Variants in SRPK2 observed in about 807,000 individuals in gnomAD.
The protein encoded by SRPK2 is SRSF protein kinase 2, also known as SFRS protein kinase 2.
Under a neutral mutation model 90.8 loss-of-function variants are expected in SRPK2, and 21 were observed. The observed-to-expected ratio is 0.23, with a 90% CI of 0.16 to 0.33. The LOEUF (loss-of-function observed/expected upper bound fraction) is 0.33, where lower values mean the gene tolerates loss of function less well. SRPK2 is among the 10% of genes least tolerant of loss of function. SRPK2 has a pLI of 1.00. For missense variants in SRPK2, 620 were observed against 869.0 expected, an observed-to-expected ratio of 0.71 and a Z score of 3.60; for synonymous variants, 288 against 311.1, an observed-to-expected ratio of 0.93 and a Z score of 0.78.
At chr7:105,202,109 T>C (rs1795638802) in intron 3 of SRPK2, among the ~76,000 whole-genome samples, 1 of 152,216 alleles carries the variant, frequency 6.6e-6, no homozygotes, top group African/African-American at 2.4e-5. Flanking sequence ...AGATCTACAC[T>C]CTTTTCTAAG....
chr7:105,193,127 A>C (rs1794510873), intron 3 of SRPK2, among the ~76,000 whole-genome samples: 1 of 152,200 alleles, frequency 6.6e-6, no homozygotes, highest in Non-Finnish European at 1.5e-5. Flanking sequence ...GCCAATGTCT[A>C]GAAGGATTTT....
Position 105,142,287 on chromosome 7 carries a change from G to T in SRPK2, c.1264C>A (p.Pro422Thr), listed in dbSNP as rs1461935220. 9 of 1,614,002 alleles carry T rather than the reference G, an allele frequency of 5.6e-6. No individual in the cohort carries two copies. The highest frequency in any genetic ancestry group is 1.3e-5 in the African/African-American group (1 of 74,892). ...EDDDEEDCPN[P>T]EEYNLDEPNA... ...GGCTCATCAAGATTATATTCCTCAG[G>T]ATTTGGGCAGTCTTCTTCATCATCA... The change falls in exon 11 of 16, where the codon CCT becomes ACT. Residue 422 changes from proline (P) to threonine (T), a missense_variant. Transcript: ENST00000393651.
At chr7:105,269,306 T>TTC (rs1485845666) in intron 2 of SRPK2, among the ~76,000 whole-genome samples, 4 of 152,256 alleles carry the variant, frequency 2.6e-5, no homozygotes, top group African/African-American at 7.2e-5. Flanking sequence ...TCACTAGCCC[T>TTC]AAAAAATATG....
intron 2 of SRPK2, among the ~76,000 whole-genome samples, chr7:105,383,083 G>C (rs1363297271): frequency 1.1e-4 from 2 of 17,932 alleles, no homozygotes; most frequent in African/African-American, 2.0e-4. Context: ...TTTTTTTTTG[G>C]AGACAGAGTC....
chr7:105,149,951 A>G (rs1049816635), intron 7 of SRPK2, among the ~76,000 whole-genome samples: 1 of 152,172 alleles, frequency 6.6e-6, no homozygotes. Context: ...TGTTTGATAT[A>G]TAAAAGCTCC....
intron 15 of SRPK2, chr7:105,125,869 T>A (rs1393980375): frequency 1.5e-6 from 2 of 1,301,956 alleles, no homozygotes; most frequent in Non-Finnish European, 2.0e-6. Context: ...ATCAATGCTA[T>A]GTGATCTGCA....
At chr7:105,394,229 G>C (rs1249775554), upstream of SRPK2, among the ~76,000 whole-genome samples, 2 of 149,572 alleles carry the variant, frequency 1.3e-5, no homozygotes, top group East Asian at 4.0e-4. Context: ...CGCAACCTCT[G>C]CCTCCCGGGT....
At chr7:105,392,818 CTT>C (rs548165993), upstream of SRPK2, among the ~76,000 whole-genome samples, 6 of 144,024 alleles carry the variant, frequency 4.2e-5, no homozygotes, top group Admixed American at 1.4e-4. Flanking sequence ...TTCTTTTTTT[CTT>C]TTTTTTTTTT....
chr7:105,226,337 T>C (rs568192122), intron 2 of SRPK2, among the ~76,000 whole-genome samples: 3 of 152,234 alleles, frequency 2.0e-5, no homozygotes, highest in South Asian at 2.1e-4. Context: ...TCACCTAGGT[T>C]GGAGTGCAGT....
chr7:105,176,621 G>GTGTGTATA lies in SRPK2; in HGVS notation c.230-7357_230-7356insTATACACA, dbSNP rs148629862. On this transcript the variant is annotated intron_variant, in intron 3 of 15. Transcript: ENST00000393651. ...TGTGTGTGTGTGTGTATACGTGTGT[G>GTGTGTATA]TATATATATATATGCACAGTGGCAT... Among the ~76,000 whole-genome samples, 934 of 147,656 alleles carry GTGTGTATA rather than the reference G, an allele frequency of 6.3e-3. 11 individuals are homozygous for GTGTGTATA. The highest frequency in any genetic ancestry group is 0.021 in the African/African-American group (817 of 39,358).
At chr7:105,171,886 T>TATTC (rs1439103226) in intron 3 of SRPK2, among the ~76,000 whole-genome samples, 1 of 151,166 alleles carries the variant, frequency 6.6e-6, no homozygotes, top group East Asian at 2.2e-4. Context: ...ATAATACAGT[T>TATTC]ATTTATTTAT....
intron 4 of SRPK2, 82 bp from the exon 5 acceptor site, chr7:105,168,177 A>T (rs1259347690): frequency 8.4e-7 from 1 of 1,186,528 alleles, no homozygotes; most frequent in East Asian, 2.6e-5. Context: ...GAGCATCCCT[A>T]ATTGGAAAAT....
chr7:105,307,975 T>A (rs981967870), intron 2 of SRPK2, among the ~76,000 whole-genome samples: 7 of 152,156 alleles, frequency 4.6e-5, no homozygotes, highest in African/African-American at 1.4e-4. Flanking sequence ...TGTGGTGAGG[T>A]TAACACAAAA....
intron 2 of SRPK2, among the ~76,000 whole-genome samples, chr7:105,281,459 A>G (rs2130825474): frequency 6.6e-6 from 1 of 152,260 alleles, no homozygotes; most frequent in South Asian, 2.1e-4. Context: ...TCCATTTAAC[A>G]TGCATAGAAA....
intron 2 of SRPK2, among the ~76,000 whole-genome samples, chr7:105,222,756 A>G (rs1160037129): frequency 1.3e-5 from 2 of 152,234 alleles, no homozygotes; most frequent in Non-Finnish European, 2.9e-5. Context: ...AAATATAACC[A>G]CACCAGCCAT....
chr7:105,375,608 C>T (rs1820189799), intron 2 of SRPK2, among the ~76,000 whole-genome samples: 1 of 152,142 alleles, frequency 6.6e-6, no homozygotes, highest in Admixed American at 6.6e-5. Flanking sequence ...CACTCAAGTA[C>T]AGGTGGAAAT....
chr7:105,228,912 T>C (rs1029159532), intron 2 of SRPK2, among the ~76,000 whole-genome samples: 2 of 152,210 alleles, frequency 1.3e-5, no homozygotes, highest in Non-Finnish European at 2.9e-5. Flanking sequence ...AGGGCGCCCC[T>C]GTTACAAGTC....
chr7:105,365,542 A>G (rs185568162), intron 2 of SRPK2, among the ~76,000 whole-genome samples: 1 of 149,762 alleles, frequency 6.7e-6, no homozygotes, highest in Admixed American at 6.7e-5. Context: ...GCCAGGTGCA[A>G]TGGCTCTCAC....
At chr7:105,293,060 G>A (rs557984389) in intron 2 of SRPK2, among the ~76,000 whole-genome samples, 1 of 152,038 alleles carries the variant, frequency 6.6e-6, no homozygotes, top group African/African-American at 2.4e-5. Context: ...AGGGGGAGGA[G>A]GGAGGGGGGC....
Sources: gnomAD v4.1 joint callset for allele counts (sites outside exome capture counted in the v4.1 genomes callset) on GRCh38, gnomAD v4.1.1 for gene constraint, MANE v1.5 for transcripts, NCBI Gene and HGNC (gene_info 2026-07-23, HGNC 2026-07-21) for gene names.